The following KLHL5 variants were observed in gnomAD, a reference collection of about 807,000 sequenced individuals.
KLHL5 encodes the protein kelch-like protein 5.
KLHL5 carries 48 observed loss-of-function variants against 77.7 expected under a neutral mutation model. The ratio of observed to expected loss-of-function variants is 0.62; its 90% CI spans 0.49 to 0.79. KLHL5 has a LOEUF of 0.79. KLHL5 is among the 30% of genes least tolerant of loss of function. The pLI is 0.00. For synonymous variants in KLHL5, 260 were observed against 297.0 expected (o/e 0.88, Z 1.28); for missense variants, 723 against 859.7 (o/e 0.84, Z 1.99).
intron 1 of KLHL5, among the ~76,000 whole-genome samples, chr4:39,069,041 G>A (rs1440812394): frequency 6.6e-6 from 1 of 152,180 alleles, no homozygotes; most frequent in East Asian, 1.9e-4. Context: ...TTCATTCAGA[G>A]ACCCAGGTTC....
At chr4:39,056,094 G>C (rs9884222) in intron 1 of KLHL5, among the ~76,000 whole-genome samples, 4,325 of 152,280 alleles carry the variant, frequency 0.028, 179 homozygotes, top group African/African-American at 0.098. Context: ...AGAGCCAGAT[G>C]TCTTGGTATA....
chr4:39,051,845 G>A (rs1341896881), intron 1 of KLHL5, among the ~76,000 whole-genome samples: 1 of 152,230 alleles, frequency 6.6e-6, no homozygotes, highest in Non-Finnish European at 1.5e-5. Flanking sequence ...CAAAGCTATA[G>A]CTTCCTTATG....
At chr4:39,056,879 A>G (rs1401093974) in intron 1 of KLHL5, among the ~76,000 whole-genome samples, 2 of 152,188 alleles carry the variant, frequency 1.3e-5, no homozygotes, top group Non-Finnish European at 2.9e-5. Flanking sequence ...CCATCCTATA[A>G]GGTCTCTGTA....
intron 6 of KLHL5, among the ~76,000 whole-genome samples, 159 bp from the exon 7 acceptor site, chr4:39,103,128 A>G (rs1448498726): frequency 6.6e-6 from 1 of 152,208 alleles, no homozygotes; most frequent in Admixed American, 6.5e-5. Flanking sequence ...ATGAGGACAC[A>G]GAGGTAGGCA....
rs1374456380 is a variant in KLHL5 at position 39,121,366 on chromosome 4, T to C, written c.*300T>C. On this transcript the variant is annotated 3_prime_UTR_variant, in exon 11 of 11. Coordinates refer to ENST00000504108, the MANE Select transcript of KLHL5 (RefSeq NM_015990.5). ...CATAACCCAGTGCTAACTGGGGGTT[T>C]CATTTATTCAGTCAAGCACATCTTA... The C allele has an allele frequency of 8.8e-6, 3 of 339,296 alleles. No individual in the cohort carries two copies. The highest frequency in any genetic ancestry group is 1.6e-5 in the Non-Finnish European group (3 of 184,466). 21.0% of individuals were successfully genotyped at this position (339,296 alleles called of 1,614,324 possible).
Position 39,124,344 on chromosome 4 carries a change from G to C in KLHL5, c.*3278G>C, listed in dbSNP as rs981021232. 6.6e-6 allele frequency among the ~76,000 whole-genome samples: 1 copy of C among 152,058 alleles called. No homozygotes were observed. Among genetic ancestry groups the C allele is most frequent in the Admixed American group, 6.5e-5 (1 of 15,278 alleles). On this transcript the variant is annotated 3_prime_UTR_variant, in exon 11 of 11. Transcript: ENST00000504108. ...TATATGGGATTGCAAGTTACTGAAG[G>C]TACTCAAGTCTGTTCAAAACAATCT...
intron 1 of KLHL5, among the ~76,000 whole-genome samples, chr4:39,074,570 G>C (rs2109343871): frequency 6.6e-6 from 1 of 152,224 alleles, no homozygotes; most frequent in African/African-American, 2.4e-5. Context: ...ATATAGTCTA[G>C]CTATATTCTC....
rs2109329241 is a variant in KLHL5 at position 39,071,311 on chromosome 4, T to C, written c.384-4654T>C. ...ACAAACTAGGAGTAAATCACTTACC[T>C]AGAGAGTGAGCCAGACTATTTAGAG... On this transcript the variant is annotated intron_variant, in intron 1 of 10. Transcript: ENST00000504108. Among the ~76,000 whole-genome samples the C allele has an allele frequency of 1.3e-5, 2 of 152,284 alleles. 1 individual carries two copies. The highest frequency in any genetic ancestry group is 4.1e-4 in the South Asian group (2 of 4,822).
At chr4:39,130,558 A>G (rs1310551480), downstream of KLHL5, among the ~76,000 whole-genome samples, 1 of 152,158 alleles carries the variant, frequency 6.6e-6, no homozygotes, top group African/African-American at 2.4e-5. Context: ...AACAACTCAA[A>G]GAATTTTAAA....
intron 1 of KLHL5, among the ~76,000 whole-genome samples, chr4:39,069,100 T>C (rs1214797457): frequency 1.3e-5 from 2 of 152,146 alleles, no homozygotes; most frequent in African/African-American, 4.8e-5. Context: ...TTCTCCATGA[T>C]TGAAGCTTAC....
chr4:39,075,887 C>T, intron 1 of KLHL5, 78 bp from the exon 2 acceptor site: 1 of 1,181,598 alleles, frequency 8.5e-7, no homozygotes, highest in East Asian at 2.4e-5. Context: ...CATTTGAAGG[C>T]TTTCAAAAGA....
At chr4:39,079,635 T>A (rs537793932) in intron 2 of KLHL5, among the ~76,000 whole-genome samples, 68 of 152,284 alleles carry the variant, frequency 4.5e-4, no homozygotes, top group Non-Finnish European at 7.1e-4. Context: ...TTTGCCCAAC[T>A]TTTTTTCCCC....
intron 2 of KLHL5, among the ~76,000 whole-genome samples, chr4:39,077,318 C>T (rs1052566469): frequency 1.3e-5 from 2 of 151,826 alleles, no homozygotes; most frequent in South Asian, 2.1e-4. Context: ...AAAAATTAGC[C>T]GGGCATGGTG....
At chr4:39,053,894 C>A (rs866906115) in intron 1 of KLHL5, among the ~76,000 whole-genome samples, 5 of 152,244 alleles carry the variant, frequency 3.3e-5, no homozygotes, top group African/African-American at 1.2e-4. Flanking sequence ...TTGTAAGAAA[C>A]AGCAGCAGCA....
At chr4:39,077,720 A>ACC in intron 2 of KLHL5, among the ~76,000 whole-genome samples, 1 of 143,172 alleles carries the variant, frequency 7.0e-6, no homozygotes, top group South Asian at 2.2e-4. Context: ...CAAAAAACAA[A>ACC]CAAACAAAAA....
chr4:39,112,794 C>T, intron 8 of KLHL5: 1 of 479,266 alleles, frequency 2.1e-6, no homozygotes, highest in South Asian at 2.5e-5. Context: ...TTGTCACTGC[C>T]TTCATGTGCA....
chr4:39,093,810 G>A (rs1485231088), intron 5 of KLHL5, among the ~76,000 whole-genome samples: 3 of 151,998 alleles, frequency 2.0e-5, no homozygotes, highest in Non-Finnish European at 4.4e-5. Flanking sequence ...GGAGGCTGAG[G>A]CAGGAGAATT....
rs67579768 is a variant in KLHL5 at position 39,123,963 on chromosome 4, C to A, written c.*2897C>A. Among the ~76,000 whole-genome samples, 3 of 151,990 alleles carry A rather than the reference C, an allele frequency of 2.0e-5. No individual in the cohort carries two copies. The East Asian group carries it at 5.8e-4, about 29-fold the overall frequency. Reference sequence around the variant, plus strand: ...TCCTAAAGAATCCACAAAATGATTCCGGCTGATTTTAAAAATTCAGCAATG... The same window carrying A: ...TCCTAAAGAATCCACAAAATGATTCAGGCTGATTTTAAAAATTCAGCAATG... On this transcript the variant is annotated 3_prime_UTR_variant, in exon 11 of 11. Transcript: ENST00000504108.
In KLHL5 at chr4:39,121,749, G is replaced by A. The variant is rs970167852; in HGVS notation, c.*683G>A. On this transcript the variant is annotated 3_prime_UTR_variant, in exon 11 of 11. Coordinates refer to ENST00000504108, the MANE Select transcript of KLHL5 (RefSeq NM_015990.5). ...CTCACCAAGAACTACATGTTATGAT[G>A]TTAAGTTGAAGTTGAAACATGATGT... 6.6e-6 allele frequency: 1 copy of A among 152,536 alleles called. No individual in the cohort carries two copies. The highest frequency in any genetic ancestry group is 1.5e-5 in the Non-Finnish European group (1 of 68,022). 9.4% of individuals were successfully genotyped at this position (152,536 alleles called of 1,614,324 possible).
Sources: allele counts gnomAD v4.1 joint callset (sites outside exome capture counted in the v4.1 genomes callset), GRCh38; gene constraint gnomAD v4.1.1; transcripts MANE v1.5; gene names NCBI Gene and HGNC (gene_info 2026-07-23, HGNC 2026-07-21).